The following BAALC variants were observed in gnomAD, a reference collection of about 807,000 sequenced individuals.
BAALC encodes the protein BAALC binder of MAP3K1 and KLF4.
BAALC carries 9 observed loss-of-function variants against 15.5 expected under a neutral mutation model. The observed-to-expected ratio is 0.58, with a 90% CI of 0.35 to 1.02. The LOEUF (loss-of-function observed/expected upper bound fraction) is 1.02. Among genes scored for constraint, BAALC ranks in the 50% least tolerant of loss-of-function variants. The pLI, the probability that BAALC is intolerant of heterozygous loss-of-function variation, is 0.02. For synonymous variants in BAALC, 80 were observed against 74.6 expected (o/e 1.07, Z -0.37); for missense variants, 201 against 192.4 (o/e 1.04, Z -0.27).
chr8:103,201,610 A>G (rs779842895), intron 1 of BAALC, among the ~76,000 whole-genome samples: 1 of 152,238 alleles, frequency 6.6e-6, no homozygotes, highest in East Asian at 1.9e-4. Context: ...TCTCCCTCCA[A>G]TGAGAATTCA....
At chr8:103,166,083 T>A (rs1397542824) in intron 1 of BAALC, 1 of 152,638 alleles carries the variant, frequency 6.6e-6, no homozygotes, top group Non-Finnish European at 1.5e-5. Context: ...CATTGTTCGC[T>A]TTTTCTGAAA....
At chr8:103,198,176 CT>C (rs34491632) in intron 1 of BAALC, 40 of 695,790 alleles carry the variant, frequency 5.7e-5, no homozygotes, top group Non-Finnish European at 7.9e-5. Context: ...AAAGGTAGGA[CT>C]TTTTTTTGTA....
At chr8:103,174,230 T>G in intron 1 of BAALC, among the ~76,000 whole-genome samples, 1 of 150,354 alleles carries the variant, frequency 6.7e-6, no homozygotes. Context: ...AATTCCAATT[T>G]GGTTGTCAGG....
intron 1 of BAALC, among the ~76,000 whole-genome samples, chr8:103,167,687 G>T (rs1000065587): frequency 1.3e-5 from 2 of 152,176 alleles, no homozygotes; most frequent in African/African-American, 2.4e-5. Flanking sequence ...AGCTATTGGA[G>T]GACAGCAATG....
intron 1 of BAALC, among the ~76,000 whole-genome samples, chr8:103,148,949 T>A (rs1810927272): frequency 6.6e-6 from 1 of 152,208 alleles, no homozygotes; most frequent in South Asian, 2.1e-4. Flanking sequence ...TATGTGAGAA[T>A]TTTTCTTTTT....
rs543407025 is a variant in BAALC at position 103,215,472 on chromosome 8, T to C, written c.327+2387T>C. The stretch of plus-strand genomic sequence containing the variant: ...CATAACAAAACACAGCAACATTCAG[T>C]TGCTTGAGACAACACCCTCCCGCCA... On this transcript the variant is annotated intron_variant, in intron 2 of 2. Transcript: ENST00000309982. Among the ~76,000 whole-genome samples the C allele has an allele frequency of 3.3e-4, 19 of 57,932 alleles. No homozygotes were observed. In the South Asian group the frequency reaches 0.014, roughly 44 times the overall value. 38.0% of individuals were successfully genotyped at this position (57,932 alleles called of 152,430 possible). A position where few individuals can be genotyped will look rare whatever the true frequency, so the allele number is the denominator to read the frequency against.
chr8:103,146,011 G>A (rs773202195), intron 1 of BAALC, among the ~76,000 whole-genome samples: 2 of 152,124 alleles, frequency 1.3e-5, no homozygotes, highest in African/African-American at 2.4e-5. Context: ...TAAGATAAAA[G>A]ACATCTTTTT....
At chr8:103,152,742 G>A (rs948380567) in intron 1 of BAALC, among the ~76,000 whole-genome samples, 1 of 152,192 alleles carries the variant, frequency 6.6e-6, no homozygotes, top group African/African-American at 2.4e-5. Flanking sequence ...CCCATGGAAG[G>A]TCTGCACAGA....
intron 1 of BAALC, among the ~76,000 whole-genome samples, chr8:103,195,164 C>T (rs776692419): frequency 3.3e-5 from 5 of 152,192 alleles, no homozygotes; most frequent in South Asian, 4.2e-4. Flanking sequence ...GTCCCATCAT[C>T]AAATCTCCCC....
chr8:103,222,266 A>G lies in BAALC; in HGVS notation c.328-5723A>G, dbSNP rs559768204. ...AGTTGATTATCTCCTGGATCTGGGAAGGAAGGAAGGAAAACAGAGGAAAAA... is the reference window on the plus strand; with the variant it reads ...AGTTGATTATCTCCTGGATCTGGGAGGGAAGGAAGGAAAACAGAGGAAAAA... On this transcript the variant is annotated intron_variant, in intron 2 of 2. Transcript: ENST00000309982. Among the ~76,000 whole-genome samples, 412 of 152,298 alleles carry G rather than the reference A, an allele frequency of 2.7e-3. 3 individuals carry two copies. Among genetic ancestry groups the G allele is most frequent in the African/African-American group, 9.4e-3 (389 of 41,550 alleles).
chr8:103,159,059 A>G (rs1384484422), intron 1 of BAALC, among the ~76,000 whole-genome samples: 1 of 152,208 alleles, frequency 6.6e-6, no homozygotes, highest in Non-Finnish European at 1.5e-5. Flanking sequence ...TTTAAAAATT[A>G]ATTAATTAAT....
intron 1 of BAALC, among the ~76,000 whole-genome samples, chr8:103,151,967 G>A (rs1017688285): frequency 5.9e-5 from 9 of 152,044 alleles, no homozygotes; most frequent in African/African-American, 1.7e-4. Flanking sequence ...TTTGGATGAA[G>A]GTCTACTCTG....
At chr8:103,221,102 T>C (rs1487703796) in intron 2 of BAALC, among the ~76,000 whole-genome samples, 1 of 152,156 alleles carries the variant, frequency 6.6e-6, no homozygotes, top group Admixed American at 6.5e-5. Flanking sequence ...GGAAATGGGC[T>C]GATTATTGAC....
At chr8:103,180,246 TA>T (rs1811696475) in intron 1 of BAALC, among the ~76,000 whole-genome samples, 1 of 152,116 alleles carries the variant, frequency 6.6e-6, no homozygotes, top group Admixed American at 6.5e-5. Flanking sequence ...AACAACTGGG[TA>T]AAATCACAGC....
chr8:103,185,246 C>G (rs1371789883), intron 1 of BAALC, among the ~76,000 whole-genome samples: 1 of 152,048 alleles, frequency 6.6e-6, no homozygotes, highest in Admixed American at 6.6e-5. Flanking sequence ...GTCTTATAAC[C>G]ATTCCGAACT....
chr8:103,141,089 C>G, intron 1 of BAALC, 32 bp downstream of exon 1: 1 of 1,405,802 alleles, frequency 7.1e-7, no homozygotes, highest in Middle Eastern at 2.4e-4. Context: ...GACCCTCGCC[C>G]GCCCGCTACC....
chr8:103,176,280 T>C (rs1811604644), intron 1 of BAALC, among the ~76,000 whole-genome samples: 1 of 152,160 alleles, frequency 6.6e-6, no homozygotes, highest in Non-Finnish European at 1.5e-5. Context: ...CACTGTTAAA[T>C]TAATTCAGCA....
chr8:103,198,765 G>T (rs963565476), intron 1 of BAALC, among the ~76,000 whole-genome samples: 1 of 151,382 alleles, frequency 6.6e-6, no homozygotes. Flanking sequence ...AAAAAAAATT[G>T]CCAGGTGTGG....
chr8:103,143,406 GT>G (rs1362714562), intron 1 of BAALC, among the ~76,000 whole-genome samples: 1 of 152,132 alleles, frequency 6.6e-6, no homozygotes, highest in Non-Finnish European at 1.5e-5. Flanking sequence ...ACTTTTTCCT[GT>G]TTACAGAAGT....
Sources: allele counts gnomAD v4.1 joint callset (sites outside exome capture counted in the v4.1 genomes callset), GRCh38; gene constraint gnomAD v4.1.1; transcripts MANE v1.5; gene names NCBI Gene and HGNC (gene_info 2026-07-23, HGNC 2026-07-21).